CDYL2: variants seen among roughly 807,000 people sequenced by gnomAD.
The protein encoded by CDYL2 is chromodomain Y like 2, also known as chromodomain Y-like protein 2.
In CDYL2, 23 loss-of-function variants were observed where a neutral mutation model predicts 49.4. The observed-to-expected ratio is 0.47, with a 90% CI of 0.34 to 0.66. The LOEUF (loss-of-function observed/expected upper bound fraction) is 0.66. Among genes scored for constraint, CDYL2 ranks in the 30% least tolerant of loss-of-function variants. CDYL2 has a pLI of 0.01. For synonymous variants in CDYL2, 360 were observed against 268.8 expected (o/e 1.34, Z -3.32); for missense variants, 678 against 656.4 (o/e 1.03, Z -0.36).
At chr16:80,738,513 A>G (rs1905619717) in intron 1 of CDYL2, 1 of 152,216 alleles carries the variant, frequency 6.6e-6, no homozygotes, top group African/African-American at 2.4e-5. Flanking sequence ...CAGACACAAG[A>G]GACTATACAT....
chr16:80,667,970 C>T (rs1909338769), intron 2 of CDYL2, among the ~76,000 whole-genome samples: 1 of 152,218 alleles, frequency 6.6e-6, no homozygotes, highest in Non-Finnish European at 1.5e-5. Context: ...GGGCAATGCC[C>T]AGGGAGAGAC....
chr16:80,721,481 G>T (rs183031867), intron 1 of CDYL2, among the ~76,000 whole-genome samples: 8 of 152,262 alleles, frequency 5.3e-5, no homozygotes, highest in Admixed American at 4.6e-4. Context: ...GTGACTATTT[G>T]GGAGAGTGGC....
rs1281227556 is a variant in CDYL2 at position 80,684,823 on chromosome 16, G to A, written c.331C>T (p.Pro111Ser). Reference sequence around the variant, plus strand: ...CCTTTTTTTGGCTTGGCCAGGGGAGGGTTAATTCGCTTCCGTTTATGGGAG... The same window carrying A: ...CCTTTTTTTGGCTTGGCCAGGGGAGAGTTAATTCGCTTCCGTTTATGGGAG... ...GTSHKRKRINPPLAKPKKGYS... is the reference protein window; with the variant it reads ...GTSHKRKRINSPLAKPKKGYS... Residue 111 changes from proline (P) to serine (S), a missense_variant, in exon 2 of 7, where the codon CCT becomes TCT. Transcript: ENST00000570137. 7.4e-6 allele frequency: 12 copies of A among 1,614,028 alleles called. No individual in the cohort carries two copies. In the Admixed American group the frequency reaches 1.8e-4, roughly 25 times the overall value.
In CDYL2 at chr16:80,772,919, AAG is replaced by A. The variant is rs1013335682; in HGVS notation, c.24+31229_24+31230del. On this transcript the variant is annotated intron_variant, in intron 1 of 6. Coordinates refer to ENST00000570137, the MANE Select transcript of CDYL2 (RefSeq NM_152342.4). ...AGGAACATAGAATAGGTGGGACAAA[AAG>A]AAAGCACACAGTGCAATGGTAGTTT... 2.6e-4 allele frequency among the ~76,000 whole-genome samples: 39 copies of A among 151,108 alleles called. 1 individual carries two copies. Among genetic ancestry groups the A allele is most frequent in the African/African-American group, 9.3e-4 (38 of 40,802 alleles).
intron 6 of CDYL2, among the ~76,000 whole-genome samples, 158 bp from the exon 7 acceptor site, chr16:80,604,704 G>A (rs1297587336): frequency 1.3e-5 from 2 of 152,130 alleles, no homozygotes; most frequent in East Asian, 1.9e-4. Flanking sequence ...TTTCCAGCAC[G>A]GCCATGAATG....
intron 1 of CDYL2, among the ~76,000 whole-genome samples, chr16:80,710,407 C>T (rs756247211): frequency 1.2e-4 from 19 of 152,070 alleles, no homozygotes; most frequent in Non-Finnish European, 2.2e-4. Context: ...CCAAGTAATT[C>T]GACAGAATTT....
At chr16:80,618,443 T>C (rs1906930020) in intron 4 of CDYL2, among the ~76,000 whole-genome samples, 1 of 152,222 alleles carries the variant, frequency 6.6e-6, no homozygotes, top group Non-Finnish European at 1.5e-5. Flanking sequence ...CCCCTCAGCT[T>C]TGATACATCT....
intron 1 of CDYL2, among the ~76,000 whole-genome samples, chr16:80,757,406 G>A (rs184656747): frequency 7.2e-4 from 109 of 151,804 alleles, no homozygotes; most frequent in African/African-American, 1.9e-3. Flanking sequence ...TGTGTGTAGC[G>A]GTGAATGCCT....
chr16:80,718,910 G>A (rs1904903634), intron 1 of CDYL2, among the ~76,000 whole-genome samples: 1 of 152,154 alleles, frequency 6.6e-6, no homozygotes, highest in South Asian at 2.1e-4. Flanking sequence ...TAGAGCCAGG[G>A]AACAATGTAG....
At chr16:80,624,532 G>A (rs1367973633) in intron 3 of CDYL2, among the ~76,000 whole-genome samples, 1 of 152,156 alleles carries the variant, frequency 6.6e-6, no homozygotes, top group East Asian at 1.9e-4. Flanking sequence ...AGACCGCATG[G>A]GAATTACACA....
rs924856145 is a variant in CDYL2 at position 80,684,819 on chromosome 16, G to A, written c.335C>T (p.Pro112Leu). Reference protein sequence around the residue: ...TSHKRKRINPPLAKPKKGYSG... With the variant: ...TSHKRKRINPLLAKPKKGYSG... The stretch of plus-strand genomic sequence containing the variant: ...ATACCCTTTTTTTGGCTTGGCCAGG[G>A]GAGGGTTAATTCGCTTCCGTTTATG... The change falls in exon 2 of 7, where the codon CCC becomes CTC. Residue 112 changes from proline to leucine, a missense_variant. Transcript: ENST00000570137. The A allele has an allele frequency of 1.2e-6, 2 of 1,614,034 alleles. No individual in the cohort carries two copies. The highest frequency in any genetic ancestry group is 1.7e-6 in the Non-Finnish European group (2 of 1,180,032).
intron 1 of CDYL2, among the ~76,000 whole-genome samples, chr16:80,774,936 T>G (rs1349257508): frequency 6.6e-6 from 1 of 151,870 alleles, no homozygotes; most frequent in Non-Finnish European, 1.5e-5. Context: ...CAAGTAGGAC[T>G]TACTCTAAGA....
intron 2 of CDYL2, among the ~76,000 whole-genome samples, chr16:80,667,108 G>A (rs1387024272): frequency 1.3e-5 from 2 of 152,194 alleles, no homozygotes; most frequent in African/African-American, 2.4e-5. Context: ...TTCCATGGGG[G>A]AATTGCTGCT....
chr16:80,782,035 A>C (rs2142405741), intron 1 of CDYL2, among the ~76,000 whole-genome samples: 1 of 152,124 alleles, frequency 6.6e-6, no homozygotes, highest in African/African-American at 2.4e-5. Flanking sequence ...AAAGAAGTAA[A>C]TAATAAAGAT....
At chr16:80,726,001 T>C (rs1230945520) in intron 1 of CDYL2, among the ~76,000 whole-genome samples, 1 of 152,224 alleles carries the variant, frequency 6.6e-6, no homozygotes, top group Non-Finnish European at 1.5e-5. Flanking sequence ...CCTTAGAATT[T>C]ATTTAAGCTT....
chr16:80,683,545 A>G (rs1215945343), intron 2 of CDYL2, among the ~76,000 whole-genome samples: 1 of 149,144 alleles, frequency 6.7e-6, no homozygotes, highest in Non-Finnish European at 1.5e-5. Context: ...GCTGTGTTAG[A>G]GTAAGAGGCT....
intron 2 of CDYL2, among the ~76,000 whole-genome samples, chr16:80,640,316 G>C (rs1188814103): frequency 6.6e-6 from 1 of 152,114 alleles, no homozygotes; most frequent in Non-Finnish European, 1.5e-5. Context: ...AGAGTCATGA[G>C]GCCCAGTCTG....
At chr16:80,725,728 G>T (rs1468259291) in intron 1 of CDYL2, among the ~76,000 whole-genome samples, 1 of 152,188 alleles carries the variant, frequency 6.6e-6, no homozygotes, top group African/African-American at 2.4e-5. Flanking sequence ...GGCATATTTT[G>T]CTCCTGAAAG....
At chr16:80,778,935 A>C (rs1907177766) in intron 1 of CDYL2, among the ~76,000 whole-genome samples, 1 of 152,110 alleles carries the variant, frequency 6.6e-6, no homozygotes, top group Non-Finnish European at 1.5e-5. Flanking sequence ...ACAATCACAG[A>C]GACCATATCC....
Sources: allele counts gnomAD v4.1 joint callset (sites outside exome capture counted in the v4.1 genomes callset), GRCh38; gene constraint gnomAD v4.1.1; transcripts MANE v1.5; gene names NCBI Gene and HGNC (gene_info 2026-07-23, HGNC 2026-07-21).